The following SEMA6D variants were observed in gnomAD, a reference collection of about 807,000 sequenced individuals.
SEMA6D encodes semaphorin 6D.
Under a neutral mutation model 106.6 loss-of-function variants are expected in SEMA6D, and 35 were observed. The ratio of observed to expected loss-of-function variants is 0.33; its 90% CI spans 0.25 to 0.44. The LOEUF (loss-of-function observed/expected upper bound fraction) is 0.44, where lower values mean the gene tolerates loss of function less well. SEMA6D is among the 20% of genes least tolerant of loss of function. The pLI, the probability that SEMA6D is intolerant of heterozygous loss-of-function variation, is 1.00. For synonymous variants in SEMA6D, 499 were observed against 487.7 expected (o/e 1.02, Z -0.31); for missense variants, 1,185 against 1,345.9 (o/e 0.88, Z 1.87).
At chr15:47,312,073 C>T (rs1319219923) in intron 1 of SEMA6D, among the ~76,000 whole-genome samples, 2 of 152,022 alleles carry the variant, frequency 1.3e-5, no homozygotes, top group Non-Finnish European at 2.9e-5. Context: ...GCCTGACCAC[C>T]CCAGTGATGG....
At chr15:47,756,645 T>C (rs1303463617) in intron 1 of SEMA6D, among the ~76,000 whole-genome samples, 1 of 152,198 alleles carries the variant, frequency 6.6e-6, no homozygotes, top group Non-Finnish European at 1.5e-5. Context: ...TTTCCAACAT[T>C]TCATCCTGCT....
chr15:47,423,122 T>C (rs1290884817), intron 2 of SEMA6D, among the ~76,000 whole-genome samples: 1 of 152,124 alleles, frequency 6.6e-6, no homozygotes, highest in African/African-American at 2.4e-5. Context: ...CTCTGTGTGC[T>C]GTAATGCATA....
intron 4 of SEMA6D, among the ~76,000 whole-genome samples, chr15:47,675,295 A>C (rs2078220492): frequency 6.6e-6 from 1 of 152,164 alleles, no homozygotes; most frequent in African/African-American, 2.4e-5. Context: ...CCATATTTGG[A>C]GAGAGAGCCT....
At chr15:47,190,500 A>G (rs1341985582) in intron 1 of SEMA6D, among the ~76,000 whole-genome samples, 9 of 152,186 alleles carry the variant, frequency 5.9e-5, no homozygotes, top group Admixed American at 2.0e-4. Flanking sequence ...GAGAATTACA[A>G]TGTATCTGCA....
chr15:47,633,773 T>C (rs2144566602), intron 4 of SEMA6D, among the ~76,000 whole-genome samples: 1 of 152,328 alleles, frequency 6.6e-6, no homozygotes, highest in South Asian at 2.1e-4. Context: ...GATAACTCTT[T>C]TGGTATTGTA....
At position 47,772,986 on chromosome 15, in the gene SEMA6D, G is replaced by A. The variant is rs1333194382; in HGVS notation, c.*1201G>A. 1 of 152,560 alleles carries A rather than the reference G, an allele frequency of 6.6e-6. No individual in the cohort carries two copies. The highest frequency in any genetic ancestry group is 1.5e-5 in the Non-Finnish European group (1 of 68,036). The allele number at this position is 152,560 out of a possible 1,614,324, so 9.5% of individuals were successfully genotyped here. The stretch of plus-strand genomic sequence containing the variant: ...GTGGTGCAATCATGTTGTCTGTGTT[G>A]TGTTATGTGAGAATTTTCTCCTAAG... On this transcript the variant is annotated 3_prime_UTR_variant, in exon 19 of 19. Coordinates refer to ENST00000536845, the MANE Select transcript of SEMA6D (RefSeq NM_001358351.3).
intron 1 of SEMA6D, among the ~76,000 whole-genome samples, chr15:47,368,437 TCA>T (rs1222445760): frequency 1.3e-5 from 2 of 152,126 alleles, no homozygotes; most frequent in Non-Finnish European, 1.5e-5. Context: ...TTTTGCCTTT[TCA>T]CAGAGGGCAA....
chr15:47,739,047 T>C (rs1026835578), intron 1 of SEMA6D, among the ~76,000 whole-genome samples: 5 of 152,068 alleles, frequency 3.3e-5, no homozygotes, highest in Non-Finnish European at 7.4e-5. Flanking sequence ...GTCCAAGAAA[T>C]AGGAAGTGGA....
chr15:47,766,418 T>G (rs1177696780), intron 15 of SEMA6D, among the ~76,000 whole-genome samples, 198 bp from the exon 16 acceptor site: 2 of 152,126 alleles, frequency 1.3e-5, no homozygotes, highest in Non-Finnish European at 2.9e-5. Flanking sequence ...AATTCTCTTC[T>G]GTTCTCTTAA....
chr15:47,599,374 A>T (rs1308883129), intron 3 of SEMA6D, among the ~76,000 whole-genome samples: 1 of 151,948 alleles, frequency 6.6e-6, no homozygotes, highest in Non-Finnish European at 1.5e-5. Flanking sequence ...AACTTTCCAG[A>T]AAGTAGTTTT....
At position 47,228,027 on chromosome 15, in the gene SEMA6D, TTATA is replaced by T. The variant is rs1334300405; in HGVS notation, c.-239+43616_-239+43619del. Among the ~76,000 whole-genome samples the T allele has an allele frequency of 3.0e-3, 424 of 143,316 alleles. 6 individuals carry two copies. The highest frequency in any genetic ancestry group is 0.01 in the African/African-American group (406 of 39,762). 94.0% of individuals were successfully genotyped at this position (143,316 alleles called of 152,430 possible). A position where few individuals can be genotyped will look rare whatever the true frequency, so the allele number is the denominator to read the frequency against. On this transcript the variant is annotated intron_variant, in intron 1 of 19. Coordinates refer to the SEMA6D transcript ENST00000558014. ...TATATATATAAGAATCATATATTTT[TTATA>T]TATATAAGAATCTTATATATATATT...
intron 2 of SEMA6D, among the ~76,000 whole-genome samples, chr15:47,441,418 A>G (rs2041878573): frequency 1.3e-5 from 2 of 152,262 alleles, no homozygotes; most frequent in Admixed American, 1.3e-4. Flanking sequence ...GTATTGAGAA[A>G]TGACAAAATG....
chr15:47,729,978 G>T (rs1373829327), intron 1 of SEMA6D, among the ~76,000 whole-genome samples: 3 of 152,186 alleles, frequency 2.0e-5, no homozygotes, highest in Non-Finnish European at 2.9e-5. Context: ...GGTGGTGATG[G>T]GCGGGAGAGA....
intron 4 of SEMA6D, among the ~76,000 whole-genome samples, chr15:47,693,477 A>ATTT (rs2078632301): frequency 1.3e-5 from 2 of 152,110 alleles, no homozygotes; most frequent in African/African-American, 4.8e-5. Context: ...AATATATGAA[A>ATTT]GTGAAAGGGA....
chr15:47,611,909 T>A (rs997396415), intron 4 of SEMA6D, among the ~76,000 whole-genome samples: 2 of 152,130 alleles, frequency 1.3e-5, no homozygotes, highest in African/African-American at 4.8e-5. Context: ...ATGTAAGAAC[T>A]GCTTAACAGT....
intron 4 of SEMA6D, among the ~76,000 whole-genome samples, chr15:47,650,757 G>T (rs1392904786): frequency 6.6e-6 from 1 of 152,110 alleles, no homozygotes. Context: ...CACTGACCTG[G>T]GGCAAAAGTC....
chr15:47,348,721 C>CCAGAGAGAGAG (rs2038170379), intron 1 of SEMA6D, among the ~76,000 whole-genome samples: 1 of 24,634 alleles, frequency 4.1e-5, no homozygotes, highest in African/African-American at 9.8e-5. Flanking sequence ...ACACACACCA[C>CCAGAGAGAGAG]ACACACAGAG....
At chr15:47,356,219 C>T (rs2038558837) in intron 1 of SEMA6D, among the ~76,000 whole-genome samples, 1 of 152,120 alleles carries the variant, frequency 6.6e-6, no homozygotes, top group Non-Finnish European at 1.5e-5. Context: ...GCCTAAATCC[C>T]TCAGGGAGGA....
intron 2 of SEMA6D, among the ~76,000 whole-genome samples, chr15:47,437,896 A>G (rs2041771185): frequency 6.6e-6 from 1 of 152,052 alleles, no homozygotes; most frequent in South Asian, 2.1e-4. Flanking sequence ...TTTCTTTCTT[A>G]TTTGGTACCT....
Sources: allele counts gnomAD v4.1 joint callset (sites outside exome capture counted in the v4.1 genomes callset), GRCh38; gene constraint gnomAD v4.1.1; transcripts MANE v1.5; gene names NCBI Gene and HGNC (gene_info 2026-07-23, HGNC 2026-07-21).